FAT1: variants seen among roughly 807,000 people sequenced by gnomAD.
The protein encoded by FAT1 is FAT atypical cadherin 1.
Under a neutral mutation model 329.8 loss-of-function variants are expected in FAT1, and 171 were observed. The ratio of observed to expected loss-of-function variants is 0.52; its 90% CI spans 0.46 to 0.59. FAT1 has a LOEUF of 0.59. Among genes scored for constraint, FAT1 ranks in the 20% least tolerant of loss-of-function variants. FAT1 has a pLI of 0.00. For synonymous variants in FAT1, 2,233 were observed against 2,228.6 expected (o/e 1.00, Z -0.06); for missense variants, 5,672 against 5,774.4 (o/e 0.98, Z 0.57).
At position 186,620,172 on chromosome 4, in the gene FAT1, T is replaced by C. The variant is rs35731902; in HGVS notation, c.6414A>G (p.Lys2138=). 215 of 1,614,040 alleles carry C rather than the reference T, an allele frequency of 1.3e-4. No individual in the cohort carries two copies. The African/African-American group carries it at 2.1e-3, about 16-fold the overall frequency. The change falls in exon 10 of 27, where the codon AAA becomes AAG. Residue 2138 remains lysine (K), a synonymous_variant. Transcript: ENST00000441802. The stretch of plus-strand genomic sequence containing the variant: ...TTAAGGTGTCAAGCTCAAATTGCTT[T>C]TTCAGTGAAATTTCACCCAAGGGTC... ...QIGPLGEISL[K]KQFELDTLNK... is the part of the protein sequence containing the mutation.
intron 17 of FAT1, among the ~76,000 whole-genome samples, 162 bp from the exon 18 acceptor site, chr4:186,604,736 G>A (rs1370691323): frequency 2.0e-5 from 3 of 152,236 alleles, no homozygotes; most frequent in Admixed American, 6.5e-5. Context: ...GAGTGTGGTG[G>A]TGAGGAGGAG....
At chr4:186,641,835 T>C (rs1741110110) in intron 3 of FAT1, among the ~76,000 whole-genome samples, 3 of 151,948 alleles carry the variant, frequency 2.0e-5, no homozygotes, top group South Asian at 4.2e-4. Context: ...GGCGAAACCC[T>C]GTCTCTACCA....
chr4:186,679,911 T>A (rs1743135390), intron 2 of FAT1, among the ~76,000 whole-genome samples: 1 of 152,232 alleles, frequency 6.6e-6, no homozygotes, highest in Non-Finnish European at 1.5e-5. Context: ...GAATTTTTTA[T>A]AACGTGCCAT....
intron 10 of FAT1, among the ~76,000 whole-genome samples, 188 bp downstream of exon 10, chr4:186,617,520 T>C (rs1025215791): frequency 1.3e-5 from 2 of 152,200 alleles, no homozygotes; most frequent in Non-Finnish European, 2.9e-5. Context: ...ATGAAACAAC[T>C]GGTAGCTTTG....
Position 186,620,858 on chromosome 4 carries a change from C to T in FAT1, c.5728G>A (p.Ala1910Thr), listed in dbSNP as rs757134853. Reference protein sequence around the residue: ...TVNATDADSSAFSQLIYSITE... With the variant: ...TVNATDADSSTFSQLIYSITE... The stretch of plus-strand genomic sequence containing the variant: ...ATGGAGTAAATCAACTGTGAGAATG[C>T]ACTTGAATCAGCATCTGTAGCATTT... The change falls in exon 10 of 27, where the codon GCA (alanine) becomes ACA (threonine). Residue 1910 changes from alanine (A) to threonine (T), a missense_variant. By Grantham distance (58) the Ala-to-Thr change is moderately conservative (BLOSUM62 0). This residue lies in a region of FAT1 where 3,966 missense variants were observed against 3,915.2 expected (regional missense o/e 1.01). Coordinates refer to ENST00000441802, the MANE Select transcript of FAT1 (RefSeq NM_005245.4). The T allele has an allele frequency of 1.2e-5, 19 of 1,613,880 alleles. 2 individuals carry two copies. The South Asian group carries it at 1.9e-4, about 16-fold the overall frequency.
At chr4:186,698,157 C>T (rs1412895058) in intron 2 of FAT1, among the ~76,000 whole-genome samples, 1 of 152,172 alleles carries the variant, frequency 6.6e-6, no homozygotes, top group African/African-American at 2.4e-5. Context: ...AGCCACTGTG[C>T]TTAGAAGAGG....
At position 186,639,706 on chromosome 4, in the gene FAT1, T is replaced by C; in HGVS notation, c.3642+16A>G. 1.4e-6 allele frequency: 2 copies of C among 1,412,426 alleles called. No individual in the cohort carries two copies. The highest frequency in any genetic ancestry group is 1.4e-5 in the African/African-American group (1 of 69,098). 87.5% of individuals were successfully genotyped at this position (1,412,426 alleles called of 1,614,324 possible). On this transcript the variant is annotated intron_variant, in intron 4 of 26. Coordinates refer to ENST00000441802, the MANE Select transcript of FAT1 (RefSeq NM_005245.4). ...ACTACGAATCTTTAAGTATTAAAGA[T>C]AAAAAAAAAACTTACCTCTAATATG...
Position 186,598,021 on chromosome 4 carries a change from C to T in FAT1, c.12208G>A (p.Asp4070Asn), listed in dbSNP as rs138084499. ...PCLYGGTCVV[D>N]NGGFVCQCRG... is the part of the protein sequence containing the mutation. The stretch of plus-strand genomic sequence containing the variant: ...CACTGGCAAACAAAGCCTCCGTTGT[C>T]GACAACACACGTGCCCCCATAGAGG... Residue 4070 changes from aspartate to asparagine, a missense_variant, in exon 23 of 27, where the codon GAC becomes AAC. Physicochemically the swap from Asp to Asn is conservative, Grantham distance 23. Transcript: ENST00000441802. 7.3e-5 allele frequency: 117 copies of T among 1,613,726 alleles called. No homozygotes were observed. Among genetic ancestry groups the T allele is most frequent in the Non-Finnish European group, 3.6e-5 (43 of 1,179,830 alleles).
At chr4:186,605,683 A>C (rs1739096208) in intron 17 of FAT1, among the ~76,000 whole-genome samples, 1 of 148,344 alleles carries the variant, frequency 6.7e-6, no homozygotes, top group African/African-American at 2.5e-5. Flanking sequence ...AGGGAGGAAG[A>C]AGAGTGGGGT....
In FAT1 at chr4:186,708,797, G is replaced by C. The variant is rs749127676; in HGVS notation, c.1031C>G (p.Pro344Arg). Residue 344 changes from proline (P) to arginine (R), a missense_variant, in exon 2 of 27, where the codon CCG (proline) becomes CGG (arginine). Physicochemically the swap from Pro to Arg is moderately radical, Grantham distance 103. Coordinates refer to ENST00000441802, the MANE Select transcript of FAT1 (RefSeq NM_005245.4). ...LTLQAKDKGT[P>R]PQFSSVKVIH... ...GACTTTAACAGAAGAGAACTGGGGC[G>C]GAGTTCCTTTATCTTTAGCCTGTAG... 2 of 1,613,934 alleles carry C rather than the reference G, an allele frequency of 1.2e-6. No homozygotes were observed. Among genetic ancestry groups the C allele is most frequent in the Admixed American group, 3.3e-5 (2 of 60,012 alleles).
intron 3 of FAT1, among the ~76,000 whole-genome samples, chr4:186,645,947 A>C (rs1264279916): frequency 1.6e-4 from 15 of 93,732 alleles, no homozygotes; most frequent in Admixed American, 6.6e-4. Flanking sequence ...CTGTCTCACA[A>C]AAAAAAAAAA....
rs2126388484 is a variant in FAT1 at position 186,596,695 on chromosome 4, G to C, written c.12845C>G (p.Pro4282Arg). 6.2e-7 allele frequency: 1 copy of C among 1,613,476 alleles called. No homozygotes were observed. Among genetic ancestry groups the C allele is most frequent in the Non-Finnish European group, 8.5e-7 (1 of 1,179,580 alleles). ...CTCGGGGTTAAAAGTGCTGAATTCG[G>C]GATGCTCTGGGATAGCAGATCCTTC... is the stretch of plus-strand genomic sequence containing the variant. ...SFEGSAIPEH[P>R]EFSTFNPESV... Residue 4282 changes from proline to arginine, a missense_variant, in exon 25 of 27, where the codon CCC (proline) becomes CGC (arginine). This residue lies in a region of FAT1 where 1,706 missense variants were observed against 1,859.1 expected (regional missense o/e 0.92). Coordinates refer to ENST00000441802, the MANE Select transcript of FAT1 (RefSeq NM_005245.4). This position sits in a 1 kb window ranked among gnomAD's most constrained non-coding sequence, Gnocchi z 4.7.
chr4:186,706,061 G>A (rs1276760863), intron 2 of FAT1, among the ~76,000 whole-genome samples: 3 of 152,142 alleles, frequency 2.0e-5, no homozygotes, highest in Non-Finnish European at 2.9e-5. Context: ...CCTAGACGAG[G>A]TACTAAGTGA....
At position 186,587,954 on chromosome 4, in the gene FAT1, T is replaced by G. The variant is rs1353495557; in HGVS notation, c.*638A>C. 9.2e-6 allele frequency: 2 copies of G among 217,574 alleles called. No homozygotes were observed. The highest frequency in any genetic ancestry group is 4.5e-5 in the African/African-American group (2 of 44,382). 13.5% of individuals were successfully genotyped at this position (217,574 alleles called of 1,614,324 possible). A position where few individuals can be genotyped will look rare whatever the true frequency, so the allele number is the denominator to read the frequency against. ...GGTATGCAGAAGGTCCCCGTTACAC[T>G]TTCCAATAATGAAAAATGTTTATAA... On this transcript the variant is annotated 3_prime_UTR_variant, in exon 27 of 27. Transcript: ENST00000441802.
chr4:186,587,903 T>A lies in FAT1; in HGVS notation c.*689A>T, dbSNP rs1738032152. 4.6e-6 allele frequency: 1 copy of A among 217,992 alleles called. No individual in the cohort carries two copies. The highest frequency in any genetic ancestry group is 2.3e-5 in the African/African-American group (1 of 44,400). 13.5% of individuals were successfully genotyped at this position (217,992 alleles called of 1,614,324 possible). On this transcript the variant is annotated 3_prime_UTR_variant, in exon 27 of 27. Coordinates refer to ENST00000441802, the MANE Select transcript of FAT1 (RefSeq NM_005245.4). ...AAATATACAGACACTATAAAAACTG[T>A]GTCATGGTGGTTTTGGTTCTAAACA... is the stretch of plus-strand genomic sequence containing the variant.
intron 2 of FAT1, among the ~76,000 whole-genome samples, chr4:186,695,395 C>A (rs1157809693): frequency 1.3e-5 from 2 of 152,136 alleles, no homozygotes. Context: ...CAAAGAGGAA[C>A]CCGCATTGCT....
rs767481218 is a variant in FAT1 at position 186,600,314 on chromosome 4, G to A, written c.11687C>T (p.Pro3896Leu). 6.8e-6 allele frequency: 11 copies of A among 1,613,584 alleles called. No individual in the cohort carries two copies. Among genetic ancestry groups the A allele is most frequent in the Non-Finnish European group, 9.3e-6 (11 of 1,179,744 alleles). ...LQYKFDCGSG[P>L]GIVSVQSIQV... The stretch of plus-strand genomic sequence containing the variant: ...AATGCTCTGAACAGAGACAATTCCA[G>A]GGCCACTTCCACAGTCAAACTTGTA... Residue 3896 changes from proline to leucine, a missense_variant, in exon 22 of 27, where the codon CCT (proline) becomes CTT (leucine). Physicochemically the swap from Pro to Leu is moderately conservative, Grantham distance 98. Transcript: ENST00000441802.
intron 24 of FAT1, 132 bp from the exon 25 acceptor site, chr4:186,597,303 A>G: frequency 9.6e-7 from 1 of 1,040,400 alleles, no homozygotes; most frequent in East Asian, 2.7e-5. Context: ...ATAAAAGACA[A>G]CTAAAAAATG....
chr4:186,689,545 C>T (rs1277976372), intron 2 of FAT1, among the ~76,000 whole-genome samples: 2 of 149,284 alleles, frequency 1.3e-5, no homozygotes, highest in Non-Finnish European at 2.9e-5. Context: ...CCAAAATGAG[C>T]TCACACACTC....
Sources: gnomAD v4.1 joint callset for allele counts (sites outside exome capture counted in the v4.1 genomes callset) on GRCh38, gnomAD v4.1.1 for gene constraint, gnomAD v4.1.1 regional missense constraint, Gnocchi (gnomAD v3.1) non-coding constraint, MANE v1.5 for transcripts, NCBI Gene and HGNC (gene_info 2026-07-23, HGNC 2026-07-21) for gene names.